The following PTPRU variants were observed in gnomAD, a reference collection of about 807,000 sequenced individuals.
The protein encoded by PTPRU is protein tyrosine phosphatase receptor type U.
Under a neutral mutation model 166.3 loss-of-function variants are expected in PTPRU, and 69 were observed. The ratio of observed to expected loss-of-function variants is 0.41; its 90% CI spans 0.34 to 0.51. PTPRU has a LOEUF of 0.51. Among genes scored for constraint, PTPRU ranks in the 20% least tolerant of loss-of-function variants. PTPRU has a pLI of 0.09. For missense variants in PTPRU, 1,657 were observed against 2,013.7 expected, an observed-to-expected ratio of 0.82 and a Z score of 3.39; for synonymous variants, 793 against 814.0, an observed-to-expected ratio of 0.97 and a Z score of 0.44.
In PTPRU at chr1:29,275,588, A is replaced by G; in HGVS notation, c.1285A>G (p.Ser429Gly). ...GCTGTGCTATCACTACACCCTGGGCAGCAGCCACAACCAGACCATCCGAGA... is the reference window on the plus strand; with the variant it reads ...GCTGTGCTATCACTACACCCTGGGCGGCAGCCACAACCAGACCATCCGAGA... ...VSLCYHYTLGSSHNQTIRECV... is the reference protein window; with the variant it reads ...VSLCYHYTLGGSHNQTIRECV... Residue 429 changes from serine to glycine, a missense_variant, in exon 8 of 30, where the codon AGC (serine) becomes GGC (glycine). Around this residue, in one of 3 missense-constraint regions of PTPRU, gnomAD observed 1,190 missense variants for 1,477.4 expected, o/e 0.81. Coordinates refer to ENST00000373779, the MANE Select transcript of PTPRU (RefSeq NM_133178.4). 1.2e-6 allele frequency: 2 copies of G among 1,614,204 alleles called. No individual in the cohort carries two copies. The highest frequency in any genetic ancestry group is 8.5e-7 in the Non-Finnish European group (1 of 1,180,024).
intron 15 of PTPRU, among the ~76,000 whole-genome samples, chr1:29,298,450 G>T (rs1418736416): frequency 1.3e-5 from 2 of 152,130 alleles, no homozygotes; most frequent in Non-Finnish European, 2.9e-5. Flanking sequence ...GTTGATTTTG[G>T]TGGATCCTTC....
chr1:29,279,377 G>A lies in PTPRU; in HGVS notation c.1564-79G>A. 1 of 1,461,646 alleles carries A rather than the reference G, an allele frequency of 6.8e-7. No homozygotes were observed. The highest frequency in any genetic ancestry group is 9.6e-7 in the Non-Finnish European group (1 of 1,045,012). The allele number at this position is 1,461,646 out of a possible 1,614,324, so 90.5% of individuals were successfully genotyped here. On this transcript the variant is annotated intron_variant, in intron 9 of 29. Transcript: ENST00000373779. This position sits in a 1 kb window ranked among gnomAD's most constrained non-coding sequence, Gnocchi z 5.2. ...GCTTAGCCTTATCTCTCACTTCCCT[G>A]GGACATGGTGGGTGGAGGCTGCTGG...
chr1:29,291,717 T>C lies in PTPRU; in HGVS notation c.2319-152T>C. ...AGCTCTGGGTCTAATGAGTGAAGGA[T>C]GGGGGCAGAGCCCTCAGCATCCAGA... On this transcript the variant is annotated intron_variant, in intron 14 of 29. Transcript: ENST00000373779. This position sits in a 1 kb window ranked among gnomAD's most constrained non-coding sequence, Gnocchi z 4.1. 1 of 813,152 alleles carries C rather than the reference T, an allele frequency of 1.2e-6. No homozygotes were observed. Among genetic ancestry groups the C allele is most frequent in the Non-Finnish European group, 1.9e-6 (1 of 515,224 alleles). The allele number at this position is 813,152 out of a possible 1,614,324, so 50.4% of individuals were successfully genotyped here.
chr1:29,289,755 G>T (rs1444627272), intron 14 of PTPRU: 1 of 1,606,532 alleles, frequency 6.2e-7, no homozygotes, highest in Non-Finnish European at 8.5e-7. Flanking sequence ...GCCCTGCCTA[G>T]GGGGAGATCC....
chr1:29,289,565 C>T (rs1340489215), intron 14 of PTPRU: 11 of 1,239,154 alleles, frequency 8.9e-6, no homozygotes, highest in Non-Finnish European at 1.3e-5. Flanking sequence ...CTGGCCAGCC[C>T]CCTCCCCAGC....
At position 29,311,675 on chromosome 1, in the gene PTPRU, A is replaced by G; in HGVS notation, c.2988A>G (p.Ser996=). The part of the protein sequence containing the change: ...VKCSRYWPED[S]DTYGDIKIML... ...GCTCACGGTACTGGCCGGAGGACTC[A>G]GACACCTACGGGGACATCAAGATTA... The change falls in exon 21 of 30, where the codon TCA becomes TCG. Residue 996 remains serine (S), a synonymous_variant. Transcript: ENST00000373779. This position sits in a 1 kb window ranked among gnomAD's most constrained non-coding sequence, Gnocchi z 4.1. 1.2e-6 allele frequency: 2 copies of G among 1,614,230 alleles called. No individual in the cohort carries two copies. Among genetic ancestry groups the G allele is most frequent in the Non-Finnish European group, 1.7e-6 (2 of 1,180,018 alleles).
intron 7 of PTPRU, among the ~76,000 whole-genome samples, chr1:29,265,634 A>T (rs1003237099): frequency 6.6e-6 from 1 of 152,134 alleles, no homozygotes; most frequent in Non-Finnish European, 1.5e-5. Flanking sequence ...AAATGCTGGG[A>T]TTACAAACAT....
chr1:29,305,940 A>T (rs1687370212), intron 18 of PTPRU, among the ~76,000 whole-genome samples: 1 of 152,160 alleles, frequency 6.6e-6, no homozygotes, highest in African/African-American at 2.4e-5. Flanking sequence ...AGCACTTTAC[A>T]CCCAAGATCT....
chr1:29,284,822 T>G lies in PTPRU; in HGVS notation c.2271T>G (p.Ala757=). 6.2e-7 allele frequency: 1 copy of G among 1,613,684 alleles called. No individual in the cohort carries two copies. The highest frequency in any genetic ancestry group is 8.5e-7 in the Non-Finnish European group (1 of 1,179,694). ...TGGGCATCTGTGCAGGGGGGCTTGCTGTCCTCATCCTTCTCCTGGGTGCCA... is the reference window on the plus strand; with the variant it reads ...TGGGCATCTGTGCAGGGGGGCTTGCGGTCCTCATCCTTCTCCTGGGTGCCA... ...LILGICAGGL[A]VLILLLGAII... Residue 757 remains alanine, a synonymous_variant, in exon 14 of 30, where the codon GCT becomes GCG. Transcript: ENST00000373779.
chr1:29,264,119 A>G (rs1194066451), intron 7 of PTPRU, among the ~76,000 whole-genome samples: 1 of 151,868 alleles, frequency 6.6e-6, no homozygotes, highest in African/African-American at 2.4e-5. Context: ...GGTTGCAGTG[A>G]GCTGAGATGG....
chr1:29,271,775 C>G lies in PTPRU; in HGVS notation c.1145-3673C>G, dbSNP rs1272529945. 6.6e-6 allele frequency among the ~76,000 whole-genome samples: 1 copy of G among 152,142 alleles called. No homozygotes were observed. The highest frequency in any genetic ancestry group is 6.5e-5 in the Admixed American group (1 of 15,276). Reference sequence around the variant, plus strand: ...CCGTGGTCTTTACCCAGCATACGTCCCCCGTTTACATGGAACTTCTCCTGC... The same window carrying G: ...CCGTGGTCTTTACCCAGCATACGTCGCCCGTTTACATGGAACTTCTCCTGC... On this transcript the variant is annotated intron_variant, in intron 7 of 29. Transcript: ENST00000373779. This position sits in a 1 kb window ranked among gnomAD's most constrained non-coding sequence, Gnocchi z 4.4.
At chr1:29,299,875 A>G (rs1419602530) in intron 15 of PTPRU, among the ~76,000 whole-genome samples, 1 of 152,118 alleles carries the variant, frequency 6.6e-6, no homozygotes, top group Non-Finnish European at 1.5e-5. Context: ...ACTCCTTGGA[A>G]TCATCTTTTC....
Position 29,260,701 on chromosome 1 carries a change from C to T in PTPRU, c.942C>T (p.Asp314=). 1 of 1,588,396 alleles carries T rather than the reference C, an allele frequency of 6.3e-7. No individual in the cohort carries two copies. Among genetic ancestry groups the T allele is most frequent in the Non-Finnish European group, 8.6e-7 (1 of 1,165,904 alleles). ...TCAACACCAACTCCATCATTGGCGA[C>T]GGGCCGATCGTGCGCAAGGAGATTG... The part of the protein sequence containing the change: ...IQLNTNSIIG[D]GPIVRKEIEY... The change falls in exon 7 of 30, where the codon GAC becomes GAT. Residue 314 remains aspartate (D), a synonymous_variant. Transcript: ENST00000373779. This position sits in a 1 kb window ranked among gnomAD's most constrained non-coding sequence, Gnocchi z 8.3.
At chr1:29,289,207 G>C (rs1273764465) in intron 14 of PTPRU, among the ~76,000 whole-genome samples, 1 of 152,094 alleles carries the variant, frequency 6.6e-6, no homozygotes, top group Non-Finnish European at 1.5e-5. Context: ...GTGTGTCAGG[G>C]GATGTCTAAT....
At chr1:29,285,640 G>T (rs920257958) in intron 14 of PTPRU, among the ~76,000 whole-genome samples, 1 of 152,230 alleles carries the variant, frequency 6.6e-6, no homozygotes, top group Non-Finnish European at 1.5e-5. Flanking sequence ...CGTAAGAGCT[G>T]CCAGGTAGTT....
rs1303593998 is a variant in PTPRU, at chr1:29,310,838, G to A, written c.2857+58G>A. The A allele has an allele frequency of 1.9e-6, 3 of 1,566,832 alleles. No homozygotes were observed. In the African/African-American group the frequency reaches 4.1e-5, roughly 21 times the overall value. Reference sequence around the variant, plus strand: ...CATGTGCCTCCCAGCGTGCTGGAATGCCCTCAGCTTGCCTTTCTGCCTCCC... The same window carrying A: ...CATGTGCCTCCCAGCGTGCTGGAATACCCTCAGCTTGCCTTTCTGCCTCCC... On this transcript the variant is annotated intron_variant, in intron 19 of 29. Transcript: ENST00000373779.
chr1:29,247,533 G>C (rs1684353846), intron 1 of PTPRU, among the ~76,000 whole-genome samples: 1 of 152,248 alleles, frequency 6.6e-6, no homozygotes, highest in Admixed American at 6.5e-5. Context: ...GCTCGGGTTT[G>C]TGCACAGCCC....
In PTPRU at chr1:29,270,621, AG is replaced by A. The variant is rs560038969; in HGVS notation, c.1145-4825del. ...AGCCATAATCTCCATTTTTTAGTGG[AG>A]GAACCTGACATCAACATTCAAAGGG... On this transcript the variant is annotated intron_variant, in intron 7 of 29. Coordinates refer to ENST00000373779, the MANE Select transcript of PTPRU (RefSeq NM_133178.4). Among the ~76,000 whole-genome samples the A allele has an allele frequency of 3.9e-5, 6 of 152,274 alleles. No homozygotes were observed. In the South Asian group the frequency reaches 1.2e-3, roughly 32 times the overall value.
chr1:29,271,306 C>T lies in PTPRU; in HGVS notation c.1145-4142C>T, dbSNP rs553468563. On this transcript the variant is annotated intron_variant, in intron 7 of 29. Transcript: ENST00000373779. This position sits in a 1 kb window ranked among gnomAD's most constrained non-coding sequence, Gnocchi z 4.4. ...CTGGGTGCCAGATGGTTTTTAGAAA[C>T]GTGGAGAAACTCATGGATTCACACC... Among the ~76,000 whole-genome samples, 4 of 152,218 alleles carry T rather than the reference C, an allele frequency of 2.6e-5. No homozygotes were observed. In the South Asian group the frequency reaches 6.2e-4, roughly 24 times the overall value.
Sources: allele counts gnomAD v4.1 joint callset (sites outside exome capture counted in the v4.1 genomes callset), GRCh38; gene constraint gnomAD v4.1.1; regional missense constraint gnomAD v4.1.1; non-coding constraint Gnocchi (gnomAD v3.1); transcripts MANE v1.5; gene names NCBI Gene and HGNC (gene_info 2026-07-23, HGNC 2026-07-21).